ZFR: variants seen among roughly 807,000 people sequenced by gnomAD.
The protein encoded by ZFR is zinc finger RNA-binding protein.
ZFR carries 19 observed loss-of-function variants against 130.7 expected under a neutral mutation model. The ratio of observed to expected loss-of-function variants is 0.15; its 90% CI spans 0.10 to 0.21. The LOEUF (loss-of-function observed/expected upper bound fraction) is 0.21. Ranked by LOEUF, ZFR falls within the 10% of genes least tolerant of loss-of-function variation. The pLI is 1.00. For missense variants in ZFR, 872 were observed against 1,321.5 expected (o/e 0.66, Z 5.27); for synonymous variants, 466 against 456.9 (o/e 1.02, Z -0.25).
At chr5:32,400,847 C>A (rs10075654) in intron 8 of ZFR, among the ~76,000 whole-genome samples, 145,123 of 152,216 alleles carry the variant, frequency 0.95, 69,244 homozygotes, top group African/African-American at 0.98. Context: ...CCCTGTCTCC[C>A]AAAAAAGTTG....
At chr5:32,417,539 G>A in intron 4 of ZFR, 109 bp downstream of exon 4, 1 of 1,384,306 alleles carries the variant, frequency 7.2e-7, no homozygotes, top group Non-Finnish European at 9.9e-7. Flanking sequence ...TGCCTCCTAA[G>A]ATGATGTGAT....
chr5:32,365,791 G>C (rs1752528394), intron 17 of ZFR, among the ~76,000 whole-genome samples: 1 of 151,922 alleles, frequency 6.6e-6, no homozygotes, highest in Non-Finnish European at 1.5e-5. Flanking sequence ...GTAGAGATGG[G>C]GTCTCACTAT....
chr5:32,404,180 T>C (rs1753529422), intron 6 of ZFR, 83 bp from the exon 7 acceptor site: 4 of 1,279,964 alleles, frequency 3.1e-6, no homozygotes, highest in East Asian at 4.7e-5. Context: ...AAATCTCTAA[T>C]ACTCATCTAA....
At position 32,399,791 on chromosome 5, in the gene ZFR, AATAAT is replaced by A. The variant is rs373159377; in HGVS notation, c.1713+211_1713+215del. 2.6e-4 allele frequency among the ~76,000 whole-genome samples: 39 copies of A among 152,354 alleles called. No homozygotes were observed. The South Asian group carries it at 5.2e-3, about 20-fold the overall frequency. ...CACCACAGTGGCAATACACAGGGAA[AATAAT>A]ATAAAAGTTAGCAAAAAAAAAATCA... On this transcript the variant is annotated intron_variant, in intron 9 of 19. Transcript: ENST00000265069.
chr5:32,372,306 T>C (rs1474597487), intron 17 of ZFR, among the ~76,000 whole-genome samples: 2 of 152,156 alleles, frequency 1.3e-5, no homozygotes, highest in Non-Finnish European at 2.9e-5. Context: ...TGTAGGGACT[T>C]TGGGTGATAG....
chr5:32,387,016 C>T (rs1214375151), intron 14 of ZFR, among the ~76,000 whole-genome samples: 1 of 152,046 alleles, frequency 6.6e-6, no homozygotes, highest in Non-Finnish European at 1.5e-5. Flanking sequence ...ATTAGTTTTG[C>T]ATTGCCATGT....
intron 11 of ZFR, chr5:32,394,290 G>A (rs1753246410): frequency 1.8e-5 from 3 of 166,638 alleles, no homozygotes; most frequent in African/African-American, 7.2e-5. Context: ...AAAGACAATG[G>A]AATACTGAAA....
At chr5:32,405,987 A>C (rs959549019) in intron 6 of ZFR, among the ~76,000 whole-genome samples, 3 of 152,210 alleles carry the variant, frequency 2.0e-5, no homozygotes, top group African/African-American at 7.2e-5. Flanking sequence ...TATAACTTGG[A>C]GAAGCTAGTA....
chr5:32,383,440 A>G (rs556163553), intron 15 of ZFR, among the ~76,000 whole-genome samples: 64 of 152,348 alleles, frequency 4.2e-4, no homozygotes, highest in African/African-American at 1.5e-3. Flanking sequence ...CATTCTGAAC[A>G]TTTCAAGCTT....
intron 2 of ZFR, among the ~76,000 whole-genome samples, chr5:32,422,235 T>C (rs1753973385): frequency 6.6e-6 from 1 of 152,084 alleles, no homozygotes; most frequent in Admixed American, 6.6e-5. Flanking sequence ...TCACCCTAAA[T>C]GTCCATGAGA....
intron 17 of ZFR, among the ~76,000 whole-genome samples, chr5:32,369,951 T>C (rs890510102): frequency 1.4e-4 from 21 of 152,080 alleles, no homozygotes; most frequent in African/African-American, 5.1e-4. Context: ...CCTATTTCCA[T>C]AGAGACATGC....
intron 19 of ZFR, among the ~76,000 whole-genome samples, chr5:32,363,283 T>C (rs772754595): frequency 6.6e-6 from 1 of 152,180 alleles, no homozygotes; most frequent in Non-Finnish European, 1.5e-5. Context: ...CTTAGGTTGA[T>C]TTTTTTCCAT....
rs894178424 is a variant in ZFR, at chr5:32,388,671, A to C, written c.2146T>G (p.Leu716Val). 2.5e-6 allele frequency: 4 copies of C among 1,593,286 alleles called. No homozygotes were observed. ...MPPQPQGPAPLRRPDSSDDRY... is the reference protein window; with the variant it reads ...MPPQPQGPAPVRRPDSSDDRY... ...TCATCAGATGAGTCAGGACGACGTA[A>C]GGGCTACAGAGAAACAAAGTTGCTC... Residue 716 changes from leucine to valine, a missense_variant, in exon 13 of 20, where the codon TTA becomes GTA. This residue lies in a region of ZFR where 225 missense variants were observed against 282.4 expected (regional missense o/e 0.80). Coordinates refer to ENST00000265069, the MANE Select transcript of ZFR (RefSeq NM_016107.5).
intron 14 of ZFR, 91 bp from the exon 15 acceptor site, chr5:32,385,740 C>A: frequency 6.9e-7 from 1 of 1,439,332 alleles, no homozygotes; most frequent in Non-Finnish European, 9.5e-7. Flanking sequence ...CTCTTACTAC[C>A]CTAACCATTC....
In ZFR at chr5:32,367,401, C is replaced by A. The variant is rs559702008; in HGVS notation, c.2836-3126G>T. On this transcript the variant is annotated intron_variant, in intron 17 of 19. Transcript: ENST00000265069. Reference sequence around the variant, plus strand: ...GGTGAGCTGAGATCACGCCACTGCACTCCAGCCTGGGCGACAAGAGTGAAA... The same window carrying A: ...GGTGAGCTGAGATCACGCCACTGCAATCCAGCCTGGGCGACAAGAGTGAAA... Among the ~76,000 whole-genome samples, 70 of 152,058 alleles carry A rather than the reference C, an allele frequency of 4.6e-4. 1 individual carries two copies. Among genetic ancestry groups the A allele is most frequent in the African/African-American group, 1.6e-3 (66 of 41,494 alleles).
rs756229062 is a variant in ZFR at position 32,410,440 on chromosome 5, C to T, written c.785-3419G>A. 7.2e-5 allele frequency among the ~76,000 whole-genome samples: 11 copies of T among 151,986 alleles called. 1 individual carries two copies. The Middle Eastern group carries it at 0.014, about 188-fold the overall frequency. On this transcript the variant is annotated intron_variant, in intron 5 of 19. Transcript: ENST00000265069. ...CCTGTGCAACATGGCAAAACCCCATCTATACAAAAAATACAAAAATAAAAA... is the reference window on the plus strand; with the variant it reads ...CCTGTGCAACATGGCAAAACCCCATTTATACAAAAAATACAAAAATAAAAA...
intron 19 of ZFR, among the ~76,000 whole-genome samples, chr5:32,363,155 C>A (rs1254110237): frequency 6.6e-6 from 1 of 152,158 alleles, no homozygotes; most frequent in East Asian, 1.9e-4. Flanking sequence ...GATAACCAAT[C>A]AAGATCTTAA....
intron 17 of ZFR, among the ~76,000 whole-genome samples, chr5:32,369,162 G>A (rs1720400468): frequency 6.6e-6 from 1 of 152,140 alleles, no homozygotes; most frequent in South Asian, 2.1e-4. Flanking sequence ...TTTTTGTTAA[G>A]GGGTATCTAA....
chr5:32,428,390 G>A, intron 2 of ZFR, among the ~76,000 whole-genome samples: 1 of 152,130 alleles, frequency 6.6e-6, no homozygotes, highest in East Asian at 1.9e-4. Context: ...CTCCAGCCTG[G>A]ACAACAGAGA....
Sources: allele counts gnomAD v4.1 joint callset (sites outside exome capture counted in the v4.1 genomes callset), GRCh38; gene constraint gnomAD v4.1.1; regional missense constraint gnomAD v4.1.1; transcripts MANE v1.5; gene names NCBI Gene and HGNC (gene_info 2026-07-23, HGNC 2026-07-21).